The following CHRM3 variants were observed in gnomAD, a reference collection of about 807,000 sequenced individuals.
CHRM3 encodes cholinergic receptor muscarinic 3.
In CHRM3, 11 loss-of-function variants were observed where a neutral mutation model predicts 41.8. The ratio of observed to expected loss-of-function variants is 0.26; its 90% confidence interval spans 0.17 to 0.44. CHRM3 has a LOEUF of 0.44. Ranked by LOEUF, CHRM3 falls within the 20% of genes least tolerant of loss-of-function variation. The pLI is 1.00. For missense variants in CHRM3, 571 were observed against 745.4 expected (o/e 0.77, Z 2.72); for synonymous variants, 297 against 301.4 (o/e 0.99, Z 0.15).
intron 1 of CHRM3, among the ~76,000 whole-genome samples, chr1:239,407,381 A>G (rs1660675786): frequency 7.7e-6 from 1 of 129,738 alleles, no homozygotes; most frequent in African/African-American, 2.5e-5. Context: ...CTACAATATG[A>G]GCTCTATGAG....
chr1:239,827,556 C>T (rs1672553849), intron 6 of CHRM3, among the ~76,000 whole-genome samples, 178 bp downstream of exon 6: 1 of 152,132 alleles, frequency 6.6e-6, no homozygotes, highest in Non-Finnish European at 1.5e-5. Flanking sequence ...ATAGTTCCTA[C>T]CTACTGCACA....
chr1:239,785,407 G>A (rs1668811664), intron 5 of CHRM3, among the ~76,000 whole-genome samples: 1 of 152,198 alleles, frequency 6.6e-6, no homozygotes, highest in Admixed American at 6.5e-5. Context: ...ATGGGTTTTG[G>A]AATTTAGTTG....
chr1:239,585,793 T>A (rs1434974431), intron 3 of CHRM3, among the ~76,000 whole-genome samples: 1 of 152,214 alleles, frequency 6.6e-6, no homozygotes, highest in Non-Finnish European at 1.5e-5. Context: ...TAAAATATAG[T>A]CAGCCATCTT....
At chr1:239,778,902 G>A (rs1668303300) in intron 5 of CHRM3, among the ~76,000 whole-genome samples, 1 of 152,060 alleles carries the variant, frequency 6.6e-6, no homozygotes, top group Non-Finnish European at 1.5e-5. Flanking sequence ...CCTTAAAAGA[G>A]ACACACTTAT....
intron 1 of CHRM3, among the ~76,000 whole-genome samples, chr1:239,407,409 T>C (rs1449842270): frequency 8.6e-6 from 1 of 116,152 alleles, no homozygotes; most frequent in African/African-American, 2.7e-5. Flanking sequence ...ACTATAAATA[T>C]ATATATATAG....
At chr1:239,714,284 T>C (rs1662118503) in intron 5 of CHRM3, 1 of 152,202 alleles carries the variant, frequency 6.6e-6, no homozygotes, top group African/African-American at 2.4e-5. Context: ...GAAACAGGTG[T>C]TAGCAATTTT....
At chr1:239,667,055 A>G (rs1206996752) in intron 4 of CHRM3, among the ~76,000 whole-genome samples, 1 of 152,112 alleles carries the variant, frequency 6.6e-6, no homozygotes, top group Non-Finnish European at 1.5e-5. Context: ...ATCTCTTCTC[A>G]AATCACTCTG....
chr1:239,552,511 A>G (rs929681459), intron 3 of CHRM3, among the ~76,000 whole-genome samples: 3 of 147,262 alleles, frequency 2.0e-5, no homozygotes, highest in African/African-American at 7.4e-5. Flanking sequence ...TATATTTTAT[A>G]TATATATATA....
chr1:239,402,450 C>G (rs141812205), intron 1 of CHRM3, among the ~76,000 whole-genome samples: 1 of 152,208 alleles, frequency 6.6e-6, no homozygotes, highest in African/African-American at 2.4e-5. Context: ...TGCTTTCAGT[C>G]TCTTTTGGAT....
intron 5 of CHRM3, among the ~76,000 whole-genome samples, chr1:239,715,503 A>C (rs1309471565): frequency 6.6e-6 from 1 of 152,146 alleles, no homozygotes; most frequent in Non-Finnish European, 1.5e-5. Flanking sequence ...TGCAGAAGGC[A>C]TTCAGAATAC....
chr1:239,874,297 A>ATATATATATATCTATATACACAG lies in CHRM3; in HGVS notation c.-19-33125_-19-33124insCTATATACACAGTATATATATAT, dbSNP rs1553291923. Among the ~76,000 whole-genome samples, 238 of 92,176 alleles carry ATATATATATATCTATATACACAG rather than the reference A, an allele frequency of 2.6e-3. 1 individual carries two copies. The highest frequency in any genetic ancestry group is 6.1e-3 in the African/African-American group (134 of 22,146). The allele number at this position is 92,176 out of a possible 152,430, so 60.5% of individuals were successfully genotyped here. A position where few individuals can be genotyped will look rare whatever the true frequency, so the allele number is the denominator to read the frequency against. ...ATCTATATACACAGTATATATATAT[A>ATATATATATATCTATATACACAG]TATATATATATATATATATATATAT... On this transcript the variant is annotated intron_variant, in intron 6 of 6. Coordinates refer to ENST00000676153, the MANE Select transcript of CHRM3 (RefSeq NM_001375978.1).
At chr1:239,460,574 AC>A (rs1323916406) in intron 1 of CHRM3, among the ~76,000 whole-genome samples, 19 of 152,180 alleles carry the variant, frequency 1.2e-4, no homozygotes, top group Middle Eastern at 3.4e-3. Context: ...TTATTCCTTA[AC>A]CCACTATAAT....
At chr1:239,635,655 A>T (rs1172530579) in intron 4 of CHRM3, among the ~76,000 whole-genome samples, 1 of 152,220 alleles carries the variant, frequency 6.6e-6, no homozygotes, top group East Asian at 1.9e-4. Context: ...ATACTTACAT[A>T]TGTAACTTAA....
intron 2 of CHRM3, among the ~76,000 whole-genome samples, chr1:239,534,071 T>C (rs1657954775): frequency 6.6e-6 from 1 of 152,224 alleles, no homozygotes; most frequent in African/African-American, 2.4e-5. Context: ...CTTATGCCTA[T>C]AATCCCAGCA....
At chr1:239,431,183 G>A (rs564356635) in intron 1 of CHRM3, among the ~76,000 whole-genome samples, 3 of 152,158 alleles carry the variant, frequency 2.0e-5, no homozygotes, top group East Asian at 3.9e-4. Context: ...TCAAATGCTC[G>A]TGTACATTAG....
At chr1:239,905,516 G>A (rs1481469860) in intron 6 of CHRM3, among the ~76,000 whole-genome samples, 1 of 152,072 alleles carries the variant, frequency 6.6e-6, no homozygotes, top group Non-Finnish European at 1.5e-5. Flanking sequence ...GACTAGCCTG[G>A]TCAACATGGT....
chr1:239,906,736 A>G (rs763229687), intron 6 of CHRM3, among the ~76,000 whole-genome samples: 2 of 152,196 alleles, frequency 1.3e-5, no homozygotes, highest in Non-Finnish European at 2.9e-5. Flanking sequence ...AAATACTAGA[A>G]ATATTTAAAG....
At chr1:239,677,852 G>A (rs1658167141) in intron 4 of CHRM3, among the ~76,000 whole-genome samples, 2 of 152,166 alleles carry the variant, frequency 1.3e-5, no homozygotes, top group Admixed American at 1.3e-4. Flanking sequence ...TTTGGGGGAA[G>A]CTTATAAAAT....
At position 239,588,278 on chromosome 1, in the gene CHRM3, T is replaced by C. The variant is rs562014859; in HGVS notation, c.-313+42529T>C. On this transcript the variant is annotated intron_variant, in intron 3 of 6. Transcript: ENST00000676153. ...ATTGATCAGCCTCCGCATGGTTCTGTTGACTGTGTGTTCTGTTAGAGATGA... is the reference window on the plus strand; with the variant it reads ...ATTGATCAGCCTCCGCATGGTTCTGCTGACTGTGTGTTCTGTTAGAGATGA... 6.0e-4 allele frequency among the ~76,000 whole-genome samples: 91 copies of C among 152,192 alleles called. 1 individual carries two copies. The highest frequency in any genetic ancestry group is 1.0e-3 in the Non-Finnish European group (71 of 68,026).
Sources: gnomAD v4.1 joint callset for allele counts (sites outside exome capture counted in the v4.1 genomes callset) on GRCh38, gnomAD v4.1.1 for gene constraint, MANE v1.5 for transcripts, NCBI Gene and HGNC (gene_info 2026-07-23, HGNC 2026-07-21) for gene names.